The following TANC1 variants were observed in gnomAD, a reference collection of about 807,000 sequenced individuals.
TANC1 encodes tetratricopeptide repeat, ankyrin repeat and coiled-coil containing 1, also known as protein TANC1.
A neutral mutation model predicts 149.7 loss-of-function variants in TANC1; 77 were observed. That is an observed-to-expected ratio of 0.51 (90% CI 0.43 to 0.62). The LOEUF (loss-of-function observed/expected upper bound fraction) is 0.62, where lower values mean the gene tolerates loss of function less well. Among genes scored for constraint, TANC1 ranks in the 20% least tolerant of loss-of-function variants. The pLI is 0.00. For synonymous variants in TANC1, 854 were observed against 925.0 expected, an observed-to-expected ratio of 0.92 and a Z score of 1.39; for missense variants, 1,985 against 2,321.8, an observed-to-expected ratio of 0.85 and a Z score of 2.98.
In TANC1 at chr2:159,207,723, A is replaced by AAAAC. The variant is rs1436383448; in HGVS notation, c.3244+8673_3244+8674insCAAA. On this transcript the variant is annotated intron_variant, in intron 19 of 26. Coordinates refer to ENST00000263635, the MANE Select transcript of TANC1 (RefSeq NM_033394.3). ...AAAAAAAAAAAAAAAAAAAAAAAAAAAAAACAACTCAGACTTAGCCACACT... is the reference window on the plus strand; with the variant it reads ...AAAAAAAAAAAAAAAAAAAAAAAAAAAAACAAAACAACTCAGACTTAGCCACACT... 6.0e-5 allele frequency among the ~76,000 whole-genome samples: 8 copies of AAAAC among 133,134 alleles called. No individual in the cohort carries two copies. The East Asian group carries it at 1.4e-3, about 23-fold the overall frequency. 87.3% of individuals were successfully genotyped at this position (133,134 alleles called of 152,430 possible).
intron 4 of TANC1, among the ~76,000 whole-genome samples, chr2:159,130,748 G>A (rs921851613): frequency 1.3e-5 from 2 of 152,000 alleles, no homozygotes; most frequent in African/African-American, 2.4e-5. Context: ...AAAGAGACAG[G>A]GTTGGCACAA....
At chr2:159,056,616 G>A (rs1031906620) in intron 2 of TANC1, 2 of 160,604 alleles carry the variant, frequency 1.2e-5, no homozygotes, top group Non-Finnish European at 2.8e-5. Flanking sequence ...CGCCTGGCCA[G>A]GTTTCAGTTT....
chr2:159,041,747 G>A lies in TANC1; in HGVS notation c.-15-24149G>A, dbSNP rs571700572. On this transcript the variant is annotated intron_variant, in intron 2 of 26. Transcript: ENST00000263635. ...CCTACCCCTTGTACTTCCTGGGTGAGGTGATGACCTGCCCTGCTTTGGCTT... is the reference window on the plus strand; with the variant it reads ...CCTACCCCTTGTACTTCCTGGGTGAAGTGATGACCTGCCCTGCTTTGGCTT... 1.3e-5 allele frequency among the ~76,000 whole-genome samples: 2 copies of A among 152,332 alleles called. 1 individual carries two copies. Among genetic ancestry groups the A allele is most frequent in the South Asian group, 4.1e-4 (2 of 4,822 alleles).
chr2:159,062,991 A>AAAAAAAAAAAAAAAAAAAAAAAAAAAAAG (rs1553534848), intron 2 of TANC1, among the ~76,000 whole-genome samples: 1 of 147,094 alleles, frequency 6.8e-6, no homozygotes, highest in Non-Finnish European at 1.5e-5. Flanking sequence ...AAAAAAAAAA[A>AAAAAAAAAAAAAAAAAAAAAAAAAAAAAG]AAAAGAAAGC....
intron 9 of TANC1, 117 bp from the exon 10 acceptor site, chr2:159,170,407 C>A: frequency 1.1e-6 from 1 of 912,734 alleles, no homozygotes; most frequent in Non-Finnish European, 1.6e-6. Context: ...TGCTTACAGA[C>A]AGATCCTAGT....
chr2:159,063,817 T>C (rs1025661981), intron 2 of TANC1, among the ~76,000 whole-genome samples: 1 of 151,924 alleles, frequency 6.6e-6, no homozygotes, highest in Non-Finnish European at 1.5e-5. Context: ...GATACCAGAG[T>C]CAGTGTCACC....
intron 4 of TANC1, 113 bp from the exon 5 acceptor site, chr2:159,136,081 A>C (rs1291413290): frequency 7.9e-6 from 5 of 629,246 alleles, no homozygotes; most frequent in Non-Finnish European, 1.5e-5. Context: ...AGGGGAAGGC[A>C]CTGGCTCTTC....
At chr2:159,099,567 T>C (rs887068507) in intron 4 of TANC1, among the ~76,000 whole-genome samples, 1 of 151,788 alleles carries the variant, frequency 6.6e-6, no homozygotes, top group African/African-American at 2.4e-5. Flanking sequence ...GCTCCTGAAC[T>C]TTCTCCTAGG....
chr2:159,040,902 C>T (rs2040579212), intron 2 of TANC1, among the ~76,000 whole-genome samples: 1 of 152,200 alleles, frequency 6.6e-6, no homozygotes, highest in Non-Finnish European at 1.5e-5. Flanking sequence ...TGTGGTTTAT[C>T]TACCTTCAGT....
chr2:159,173,036 C>A (rs141084740), intron 11 of TANC1, among the ~76,000 whole-genome samples: 2 of 152,256 alleles, frequency 1.3e-5, no homozygotes, highest in Non-Finnish European at 2.9e-5. Context: ...CGCCATCACC[C>A]CTGATGGTTC....
rs548250138 is a variant in TANC1, at chr2:159,143,638, A to G, written c.365-5504A>G. On this transcript the variant is annotated intron_variant, in intron 5 of 26. Coordinates refer to ENST00000263635, the MANE Select transcript of TANC1 (RefSeq NM_033394.3). Reference sequence around the variant, plus strand: ...TGGGTATCAGAGAAGAATTTCTATAATTAACTAAAAAGACTCCTGTCTTTC... The same window carrying G: ...TGGGTATCAGAGAAGAATTTCTATAGTTAACTAAAAAGACTCCTGTCTTTC... Among the ~76,000 whole-genome samples the G allele has an allele frequency of 2.0e-4, 30 of 151,742 alleles. No homozygotes were observed. The South Asian group carries it at 5.6e-3, about 28-fold the overall frequency.
chr2:159,218,070 T>G (rs78019119), intron 20 of TANC1, among the ~76,000 whole-genome samples: 3,494 of 131,452 alleles, frequency 0.027, 66 homozygotes, highest in Non-Finnish European at 0.043. Context: ...TTGTTTGTTT[T>G]TGGTTTTTGT....
chr2:159,045,712 C>T (rs747154142), intron 2 of TANC1, among the ~76,000 whole-genome samples: 2 of 152,122 alleles, frequency 1.3e-5, no homozygotes, highest in African/African-American at 2.4e-5. Context: ...TAGCCTGAGC[C>T]GACGTTTAGG....
At chr2:159,072,499 T>C (rs1421587554) in intron 3 of TANC1, among the ~76,000 whole-genome samples, 1 of 152,244 alleles carries the variant, frequency 6.6e-6, no homozygotes, top group African/African-American at 2.4e-5. Context: ...CTTATAGTTG[T>C]ATTGTCAGGG....
intron 14 of TANC1, among the ~76,000 whole-genome samples, chr2:159,183,770 A>G (rs1415472723): frequency 1.3e-5 from 2 of 152,088 alleles, no homozygotes; most frequent in Non-Finnish European, 2.9e-5. Flanking sequence ...AAAGATCCAT[A>G]AAGAAGGAGA....
chr2:159,050,718 A>G (rs761626281), intron 2 of TANC1, among the ~76,000 whole-genome samples: 3 of 152,124 alleles, frequency 2.0e-5, no homozygotes, highest in Non-Finnish European at 2.9e-5. Flanking sequence ...AAGTTTCTCT[A>G]CCTCTGCCAT....
intron 2 of TANC1, among the ~76,000 whole-genome samples, chr2:159,008,274 A>G (rs1458779966): frequency 1.3e-5 from 2 of 152,218 alleles, no homozygotes; most frequent in Admixed American, 1.3e-4. Context: ...ATTACTTGCA[A>G]ATTGATGAGT....
chr2:159,125,425 C>T (rs909539820), intron 4 of TANC1, among the ~76,000 whole-genome samples: 1 of 152,152 alleles, frequency 6.6e-6, no homozygotes, highest in African/African-American at 2.4e-5. Flanking sequence ...ACATCTGGCT[C>T]TCTTCTCTAG....
At chr2:159,039,094 C>T (rs1206862577) in intron 2 of TANC1, among the ~76,000 whole-genome samples, 2 of 152,082 alleles carry the variant, frequency 1.3e-5, no homozygotes, top group Non-Finnish European at 2.9e-5. Flanking sequence ...TGTGTGCGTC[C>T]AGGAACTTAC....
Sources: allele counts gnomAD v4.1 joint callset (sites outside exome capture counted in the v4.1 genomes callset), GRCh38; gene constraint gnomAD v4.1.1; transcripts MANE v1.5; gene names NCBI Gene and HGNC (gene_info 2026-07-23, HGNC 2026-07-21).